Variants in MISFA observed in about 807,000 individuals in gnomAD.
MISFA encodes the protein mitochondrial sheath formation associated.
chr11:18,604,874 C>T, the MISFA span, among the ~76,000 whole-genome samples: 1 of 152,118 alleles, frequency 6.6e-6, no homozygotes, highest in Admixed American at 6.6e-5. Flanking sequence ...CTTTCATGTG[C>T]CAAGGAAAAG....
At chr11:18,605,768 G>T in the MISFA span, among the ~76,000 whole-genome samples, 13 of 152,108 alleles carry the variant, frequency 8.5e-5, no homozygotes, top group Non-Finnish European at 1.9e-4. Flanking sequence ...TCGGCTCACT[G>T]CAACCTCCAC....
the MISFA span, among the ~76,000 whole-genome samples, chr11:18,606,171 A>G: frequency 6.6e-6 from 1 of 152,204 alleles, no homozygotes; most frequent in Admixed American, 6.5e-5. Context: ...TTCTCCCAAC[A>G]TGGGTCAGAG....
chr11:18,601,180 A>G, the MISFA span: 6 of 398,644 alleles, frequency 1.5e-5, no homozygotes, highest in African/African-American at 4.1e-5. Context: ...GATCTGCTGC[A>G]GTAAGTGGGT....
chr11:18,603,919 T>A, the MISFA span: 2 of 248,448 alleles, frequency 8.0e-6, no homozygotes, highest in Non-Finnish European at 1.3e-5. Flanking sequence ...TTACCGCACT[T>A]TTTTTTTTTT....
At chr11:18,601,266 T>A in the MISFA span, 1 of 398,424 alleles carries the variant, frequency 2.5e-6, no homozygotes. Context: ...GGAGAATGTT[T>A]ATTCCTCTGG....
the MISFA span, chr11:18,607,631 AAG>A: frequency 6.6e-6 from 1 of 152,584 alleles, no homozygotes; most frequent in Non-Finnish European, 1.5e-5. Context: ...AGCTTTTTAT[AAG>A]AGTGGTCAGG....
chr11:18,600,567 C>T, the MISFA span, among the ~76,000 whole-genome samples: 1 of 127,752 alleles, frequency 7.8e-6, no homozygotes, highest in African/African-American at 3.1e-5. Context: ...GTCGCCCAGG[C>T]TGGAATGCAG....
chr11:18,609,272 C>T, the MISFA span: 1 of 152,740 alleles, frequency 6.5e-6, no homozygotes, highest in South Asian at 2.1e-4. Flanking sequence ...GCTCAGCATC[C>T]AATCCATGAA....
At chr11:18,604,797 A>T in the MISFA span, among the ~76,000 whole-genome samples, 6 of 152,226 alleles carry the variant, frequency 3.9e-5, no homozygotes, top group Non-Finnish European at 8.8e-5. Context: ...GGGCATGTTT[A>T]TCTTGCCAAC....
chr11:18,604,340 T>C, the MISFA span, among the ~76,000 whole-genome samples: 1 of 152,038 alleles, frequency 6.6e-6, no homozygotes. Flanking sequence ...TTCTGCTACA[T>C]GGTCTCTAAG....
chr11:18,605,168 A>G, the MISFA span, among the ~76,000 whole-genome samples: 1 of 151,366 alleles, frequency 6.6e-6, no homozygotes, highest in African/African-American at 2.4e-5. Flanking sequence ...TGAACCCGGG[A>G]GGTGGGGGTT....
the MISFA span, chr11:18,601,512 A>T: frequency 5.1e-6 from 2 of 394,406 alleles, no homozygotes; most frequent in Non-Finnish European, 8.9e-6. Flanking sequence ...AGGTGCAAGC[A>T]GTCTTCCCAT....
At chr11:18,609,849 T>C in the MISFA span, 1 of 1,613,142 alleles carries the variant, frequency 6.2e-7, no homozygotes, top group Non-Finnish European at 8.5e-7. Context: ...TTCACAAAAA[T>C]AAAAGCAGCA....
the MISFA span, chr11:18,607,742 CTTTT>C: frequency 6.6e-6 from 1 of 152,112 alleles, no homozygotes; most frequent in Non-Finnish European, 1.5e-5. Flanking sequence ...CAGAAGTGCT[CTTTT>C]ATAATGTTGA....
At chr11:18,607,164 G>GACTT in the MISFA span, 1 of 163,700 alleles carries the variant, frequency 6.1e-6, no homozygotes, top group Non-Finnish European at 1.3e-5. Context: ...TGCCCGGCCA[G>GACTT]ACTTACTTTT....
At chr11:18,605,834 C>A in the MISFA span, among the ~76,000 whole-genome samples, 2 of 152,152 alleles carry the variant, frequency 1.3e-5, no homozygotes, top group African/African-American at 4.8e-5. Flanking sequence ...GGGATTACAA[C>A]GCACGCCACA....
At chr11:18,608,420 T>TAAGGA in the MISFA span, 6 of 152,314 alleles carry the variant, frequency 3.9e-5, no homozygotes, top group African/African-American at 1.4e-4. Context: ...TGTTGAAGTA[T>TAAGGA]AAGGGCCTGT....
chr11:18,600,913 T>C, the MISFA span, among the ~76,000 whole-genome samples: 1 of 152,212 alleles, frequency 6.6e-6, no homozygotes, highest in African/African-American at 2.4e-5. Context: ...AGGGGTCTGC[T>C]GGAGACCGTA....
chr11:18,609,594 G>C, the MISFA span: 12 of 455,610 alleles, frequency 2.6e-5, no homozygotes, highest in East Asian at 4.3e-4. Context: ...AGAGTGCATA[G>C]CTCATCAGGA....
Sources: allele counts gnomAD v4.1 joint callset (sites outside exome capture counted in the v4.1 genomes callset), GRCh38; gene constraint gnomAD v4.1.1; transcripts MANE v1.5; gene names NCBI Gene and HGNC (gene_info 2026-07-23, HGNC 2026-07-21).